The following CNTNAP2 variants were observed in gnomAD, a reference collection of about 807,000 sequenced individuals.
CNTNAP2 encodes the protein contactin associated protein 2.
Under a neutral mutation model 155.2 loss-of-function variants are expected in CNTNAP2, and 98 were observed. The observed-to-expected ratio is 0.63, with a 90% CI of 0.54 to 0.75. The LOEUF (loss-of-function observed/expected upper bound fraction) is 0.75. Among genes scored for constraint, CNTNAP2 ranks in the 30% least tolerant of loss-of-function variants. The pLI is 0.00. For missense variants in CNTNAP2, 1,727 were observed against 1,688.1 expected, an observed-to-expected ratio of 1.02 and a Z score of -0.40; for synonymous variants, 651 against 631.2, an observed-to-expected ratio of 1.03 and a Z score of -0.47.
chr7:148,412,730 T>C (rs1238247452), intron 23 of CNTNAP2, among the ~76,000 whole-genome samples: 1 of 152,200 alleles, frequency 6.6e-6, no homozygotes, highest in African/African-American at 2.4e-5. Context: ...AGTACAAAAG[T>C]GAATAAATAT....
At chr7:146,151,828 A>G (rs1392419350) in intron 1 of CNTNAP2, among the ~76,000 whole-genome samples, 1 of 150,092 alleles carries the variant, frequency 6.7e-6, no homozygotes, top group Non-Finnish European at 1.5e-5. Flanking sequence ...AATTTACATT[A>G]TTACTTAGAA....
chr7:147,615,091 CAA>C (rs71183021), intron 12 of CNTNAP2, among the ~76,000 whole-genome samples: 11 of 123,096 alleles, frequency 8.9e-5, no homozygotes, highest in Non-Finnish European at 1.7e-4. Flanking sequence ...CCATCTTTAT[CAA>C]AAAAAAAAAA....
chr7:147,211,238 C>T (rs1390407874), intron 8 of CNTNAP2, among the ~76,000 whole-genome samples: 1 of 151,850 alleles, frequency 6.6e-6, no homozygotes, highest in Non-Finnish European at 1.5e-5. Context: ...GTTTAAGTGC[C>T]TTATTATTAT....
chr7:147,254,788 C>G (rs561882328), intron 8 of CNTNAP2, among the ~76,000 whole-genome samples: 49 of 152,238 alleles, frequency 3.2e-4, no homozygotes, highest in Non-Finnish European at 6.8e-4. Context: ...TTTTAAAATT[C>G]TCATTGGGGG....
chr7:148,328,783 CATGGTGAA>C (rs57498154), intron 21 of CNTNAP2, among the ~76,000 whole-genome samples: 145,502 of 150,518 alleles, frequency 0.97, 70,373 homozygotes, highest in East Asian at 1. Context: ...GCCTGACCAA[CATGGTGAA>C]ATGGTGAAAC....
chr7:148,409,323 T>A, intron 22 of CNTNAP2, 68 bp from the exon 23 acceptor site: 1 of 1,202,418 alleles, frequency 8.3e-7, no homozygotes, highest in Non-Finnish European at 1.2e-6. Flanking sequence ...CATGAAGAAA[T>A]AGGTATCAAA....
intron 8 of CNTNAP2, among the ~76,000 whole-genome samples, chr7:147,259,973 C>T (rs1454582231): frequency 6.6e-6 from 1 of 152,134 alleles, no homozygotes; most frequent in African/African-American, 2.4e-5. Context: ...CACTATCCCT[C>T]CCTCCCCACA....
Position 148,144,812 on chromosome 7 carries a change from C to T in CNTNAP2, c.2555-2679C>T, listed in dbSNP as rs117823561. Among the ~76,000 whole-genome samples, 576 of 152,286 alleles carry T rather than the reference C, an allele frequency of 3.8e-3. 7 individuals carry two copies. Among genetic ancestry groups the T allele is most frequent in the South Asian group, 0.012 (57 of 4,824 alleles). Reference sequence around the variant, plus strand: ...TCTCCAACTGGAGACACACATTAAGCGAGGACAGTGTCATTGGCTCAAGTG... The same window carrying T: ...TCTCCAACTGGAGACACACATTAAGTGAGGACAGTGTCATTGGCTCAAGTG... On this transcript the variant is annotated intron_variant, in intron 16 of 23. Coordinates refer to ENST00000361727, the MANE Select transcript of CNTNAP2 (RefSeq NM_014141.6).
At chr7:147,577,076 G>C (rs1404349899) in intron 12 of CNTNAP2, among the ~76,000 whole-genome samples, 1 of 152,100 alleles carries the variant, frequency 6.6e-6, no homozygotes, top group Non-Finnish European at 1.5e-5. Context: ...ACATAAAGCA[G>C]TCAGTTTGGA....
At chr7:147,574,864 C>G (rs1217045694) in intron 12 of CNTNAP2, among the ~76,000 whole-genome samples, 1 of 152,068 alleles carries the variant, frequency 6.6e-6, no homozygotes, top group Non-Finnish European at 1.5e-5. Context: ...CAATCAGCCA[C>G]AAGGCTTAGG....
chr7:146,870,023 A>G (rs1168775668), intron 3 of CNTNAP2, among the ~76,000 whole-genome samples: 2 of 152,108 alleles, frequency 1.3e-5, no homozygotes, highest in Non-Finnish European at 2.9e-5. Context: ...TAGTTCATCA[A>G]TGATATTGGC....
At chr7:146,921,843 A>G (rs755959416) in intron 3 of CNTNAP2, among the ~76,000 whole-genome samples, 1 of 152,160 alleles carries the variant, frequency 6.6e-6, no homozygotes, top group Non-Finnish European at 1.5e-5. Context: ...ACGAAGACAT[A>G]GTACTGTGCC....
intron 1 of CNTNAP2, among the ~76,000 whole-genome samples, chr7:146,165,897 C>T (rs564785412): frequency 6.6e-6 from 1 of 152,204 alleles, no homozygotes; most frequent in African/African-American, 2.4e-5. Flanking sequence ...GGTATATCAA[C>T]CCTTCTTTTC....
At chr7:147,331,948 A>T (rs914762697) in intron 9 of CNTNAP2, among the ~76,000 whole-genome samples, 6 of 152,326 alleles carry the variant, frequency 3.9e-5, no homozygotes, top group African/African-American at 1.4e-4. Context: ...TGTTCACAAC[A>T]TGTTTCAAAA....
At chr7:148,329,538 G>A (rs1258595853) in intron 21 of CNTNAP2, among the ~76,000 whole-genome samples, 1 of 152,168 alleles carries the variant, frequency 6.6e-6, no homozygotes, top group African/African-American at 2.4e-5. Flanking sequence ...TAGGAACACA[G>A]GACAGAGGCT....
chr7:146,529,826 A>G (rs529859254), intron 1 of CNTNAP2, among the ~76,000 whole-genome samples: 7 of 152,138 alleles, frequency 4.6e-5, no homozygotes, highest in African/African-American at 1.7e-4. Flanking sequence ...CTAGCTGGGC[A>G]TAGTAGCACG....
At chr7:148,189,345 C>T (rs1795167236) in intron 18 of CNTNAP2, among the ~76,000 whole-genome samples, 1 of 152,202 alleles carries the variant, frequency 6.6e-6, no homozygotes, top group African/African-American at 2.4e-5. Flanking sequence ...AGACGGCAAG[C>T]AAATGGAGGA....
At chr7:146,118,299 A>C (rs1797516030) in intron 1 of CNTNAP2, among the ~76,000 whole-genome samples, 2 of 152,216 alleles carry the variant, frequency 1.3e-5, no homozygotes. Flanking sequence ...AATGAACTTG[A>C]AAACATTGTA....
chr7:146,458,212 A>G (rs749650527), intron 1 of CNTNAP2, among the ~76,000 whole-genome samples: 3 of 152,118 alleles, frequency 2.0e-5, no homozygotes. Context: ...CCTAGGTGAT[A>G]GGTTGATCTG....
Sources: allele counts gnomAD v4.1 joint callset (sites outside exome capture counted in the v4.1 genomes callset), GRCh38; gene constraint gnomAD v4.1.1; transcripts MANE v1.5; gene names NCBI Gene and HGNC (gene_info 2026-07-23, HGNC 2026-07-21).